The following ZXDC variants were observed in gnomAD, a reference collection of about 807,000 sequenced individuals.
ZXDC encodes zinc finger protein ZXDC.
A neutral mutation model predicts 63.6 loss-of-function variants in ZXDC; 58 were observed. The ratio of observed to expected loss-of-function variants is 0.91; its 90% CI spans 0.74 to 1.13. ZXDC has a LOEUF of 1.13. ZXDC is among the 50% of genes most tolerant of loss of function. The pLI, the probability that ZXDC is intolerant of heterozygous loss-of-function variation, is 0.00. For synonymous variants in ZXDC, 561 were observed against 496.1 expected, an observed-to-expected ratio of 1.13 and a Z score of -1.74; for missense variants, 1,133 against 1,148.9, an observed-to-expected ratio of 0.99 and a Z score of 0.20.
intron 7 of ZXDC, chr3:126,451,734 T>C (rs1489190649): frequency 1.0e-6 from 1 of 985,228 alleles, no homozygotes; most frequent in African/African-American, 1.7e-5. Context: ...TTCTGCACCA[T>C]GATCTCACGC....
Position 126,438,394 on chromosome 3 carries a change from T to C in ZXDC, c.2558A>G (p.Asn853Ser). Residue 853 changes from asparagine to serine, a missense_variant, in exon 10 of 10, where the codon AAC (asparagine) becomes AGC (serine). Coordinates refer to ENST00000389709, the MANE Select transcript of ZXDC (RefSeq NM_025112.5). ...EATQFPGSTI[N>S]LQDLQ ...CTGCCGTCACTGCAGATCCTGCAGG[T>C]TGATAGTGCTTCCTGGGAACTGGGT... 1 of 1,613,486 alleles carries C rather than the reference T, an allele frequency of 6.2e-7. No homozygotes were observed. The highest frequency in any genetic ancestry group is 8.5e-7 in the Non-Finnish European group (1 of 1,179,786).
At chr3:126,456,179 G>A (rs1007835858) in intron 7 of ZXDC, among the ~76,000 whole-genome samples, 1 of 152,210 alleles carries the variant, frequency 6.6e-6, no homozygotes, top group African/African-American at 2.4e-5. Context: ...TGAGAGGAAA[G>A]CTTAAAGAGA....
In ZXDC at chr3:126,475,760, CG is replaced by C; in HGVS notation, c.105del (p.Ala36ArgfsTer88). The C allele has an allele frequency of 8.7e-7, 1 of 1,151,136 alleles. No individual in the cohort carries two copies. The highest frequency in any genetic ancestry group is 1.1e-6 in the Non-Finnish European group (1 of 938,294). The allele number at this position is 1,151,136 out of a possible 1,614,324, so 71.3% of individuals were successfully genotyped here. A position where few individuals can be genotyped will look rare whatever the true frequency, so the allele number is the denominator to read the frequency against. On this transcript the variant is annotated frameshift_variant, in exon 1 of 10. Transcript: ENST00000389709. LOFTEE classifies it high-confidence loss of function. Reference sequence around the variant, plus strand: ...CGCACCAGTAGCAGGCGGCGGCGCGCGGGGCTCGCGCCGAGCGGCGCTGGGG... The same window carrying C: ...CGCACCAGTAGCAGGCGGCGGCGCGCGGGCTCGCGCCGAGCGGCGCTGGGG... ...RRAPAPLGAS[P>X]ARRRLLLVRG...
chr3:126,461,527 C>A lies in ZXDC; in HGVS notation c.2127+8G>T. 2 of 1,603,148 alleles carry A rather than the reference C, an allele frequency of 1.2e-6. No individual in the cohort carries two copies. Among genetic ancestry groups the A allele is most frequent in the Non-Finnish European group, 1.7e-6 (2 of 1,172,752 alleles). The stretch of plus-strand genomic sequence containing the variant: ...TATATGGTGGTGACTGAATAGAGTG[C>A]TTCATACCAAATAGAAGTTGCCAGT... On this transcript the variant is annotated splice_region_variant and intron_variant, in intron 6 of 9. Coordinates refer to ENST00000389709, the MANE Select transcript of ZXDC (RefSeq NM_025112.5).
chr3:126,453,536 A>G, intron 7 of ZXDC: 2 of 985,414 alleles, frequency 2.0e-6, no homozygotes, highest in Non-Finnish European at 2.4e-6. Context: ...TGTTTCTAAG[A>G]CCCTCACATG....
intron 7 of ZXDC, chr3:126,451,089 C>T: frequency 1.0e-6 from 1 of 983,508 alleles, no homozygotes; most frequent in Admixed American, 6.1e-5. Context: ...CACCAGGCCA[C>T]CCCAGGAGGA....
intron 7 of ZXDC, among the ~76,000 whole-genome samples, chr3:126,456,577 T>C (rs560542973): frequency 6.6e-6 from 1 of 152,352 alleles, no homozygotes; most frequent in African/African-American, 2.4e-5. Flanking sequence ...GGAACTCTCA[T>C]GGGCCCTGCC....
chr3:126,466,306 G>A lies in ZXDC; in HGVS notation c.1290C>T (p.Ser430=), dbSNP rs1392219469. ...AGTGAATGTACAGACTGCTACGAGCGGAGAACCTCGCGCAACATCCTGGAA... is the reference window on the plus strand; with the variant it reads ...AGTGAATGTACAGACTGCTACGAGCAGAGAACCTCGCGCAACATCCTGGAA... ...CPVEGCCARF[S]ARSSLYIHSK... is the part of the protein sequence containing the mutation. The change falls in exon 5 of 10, where the codon TCC becomes TCT. Residue 430 remains serine (S), a synonymous_variant. Transcript: ENST00000389709. 5.0e-6 allele frequency: 8 copies of A among 1,614,036 alleles called. No individual in the cohort carries two copies. The highest frequency in any genetic ancestry group is 1.7e-5 in the Admixed American group (1 of 59,992).
At chr3:126,472,706 A>C (rs1475700882) in intron 1 of ZXDC, among the ~76,000 whole-genome samples, 3 of 152,108 alleles carry the variant, frequency 2.0e-5, no homozygotes, top group African/African-American at 7.2e-5. Context: ...AAGGCTACAA[A>C]TCATCCTACT....
intron 7 of ZXDC, among the ~76,000 whole-genome samples, chr3:126,447,191 C>T (rs1414034561): frequency 6.6e-6 from 1 of 152,180 alleles, no homozygotes; most frequent in African/African-American, 2.4e-5. Flanking sequence ...TTAAGTTACT[C>T]TGGGATTTTA....
At chr3:126,440,237 T>C (rs1176912559) in intron 8 of ZXDC, 2 of 993,878 alleles carry the variant, frequency 2.0e-6, no homozygotes, top group East Asian at 1.1e-4. Flanking sequence ...AGAAACTTCA[T>C]CTGTCCCACA....
At chr3:126,453,506 T>C (rs1934190403) in intron 7 of ZXDC, 1 of 985,432 alleles carries the variant, frequency 1.0e-6, no homozygotes, top group Non-Finnish European at 1.2e-6. Flanking sequence ...TAATACATAA[T>C]AGTTGGCTTA....
chr3:126,461,159 G>A (rs1338134710), intron 6 of ZXDC: 1 of 999,538 alleles, frequency 1.0e-6, no homozygotes, highest in Non-Finnish European at 1.2e-6. Context: ...ACCTCTGAAG[G>A]TGGCTTATGT....
At chr3:126,460,443 C>G (rs1934479648) in intron 6 of ZXDC, 2 of 984,036 alleles carry the variant, frequency 2.0e-6, no homozygotes, top group Non-Finnish European at 2.4e-6. Flanking sequence ...ACACAGCTAG[C>G]AAGAAAATGA....
intron 8 of ZXDC, chr3:126,441,142 G>C: frequency 1.0e-6 from 1 of 985,598 alleles, no homozygotes; most frequent in Non-Finnish European, 1.2e-6. Flanking sequence ...ATGCAGGTGT[G>C]CTCAGGGCTG....
At chr3:126,452,555 T>C in intron 7 of ZXDC, 2 of 985,318 alleles carry the variant, frequency 2.0e-6, no homozygotes, top group Non-Finnish European at 1.2e-6. Flanking sequence ...AATAATAAAG[T>C]TATTCACCGA....
chr3:126,452,764 A>C, intron 7 of ZXDC, among the ~76,000 whole-genome samples: 1 of 148,362 alleles, frequency 6.7e-6, no homozygotes, highest in South Asian at 2.1e-4. Flanking sequence ...TTTTTGAGAC[A>C]AGGGTCTTAC....
In ZXDC at chr3:126,438,575, T is replaced by C. The variant is rs147380661; in HGVS notation, c.2491-114A>G. On this transcript the variant is annotated intron_variant, in intron 9 of 9. Coordinates refer to ENST00000389709, the MANE Select transcript of ZXDC (RefSeq NM_025112.5). ...CCGTGGTGAGATACCTGACTTCTCT[T>C]ACTCAAAACTACAGGCTCCCCTTAT... 547 of 810,700 alleles carry C rather than the reference T, an allele frequency of 6.7e-4. 3 individuals are homozygous for C. In the African/African-American group the frequency reaches 8.0e-3, roughly 12 times the overall value. The allele number at this position is 810,700 out of a possible 1,614,324, so 50.2% of individuals were successfully genotyped here. A position where few individuals can be genotyped will look rare whatever the true frequency, so the allele number is the denominator to read the frequency against.
At chr3:126,451,058 A>G in intron 7 of ZXDC, 1 of 856,886 alleles carries the variant, frequency 1.2e-6, no homozygotes, top group Non-Finnish European at 1.4e-6. Flanking sequence ...ACTCCTCATC[A>G]CCACCTGAGT....
Sources: gnomAD v4.1 joint callset for allele counts (sites outside exome capture counted in the v4.1 genomes callset) on GRCh38, gnomAD v4.1.1 for gene constraint, MANE v1.5 for transcripts, NCBI Gene and HGNC (gene_info 2026-07-23, HGNC 2026-07-21) for gene names.